DNAJC6: variants seen among roughly 807,000 people sequenced by gnomAD.
The protein encoded by DNAJC6 is auxilin.
In DNAJC6, 34 loss-of-function variants were observed where a neutral mutation model predicts 110.0. The ratio of observed to expected loss-of-function variants is 0.31; its 90% confidence interval spans 0.24 to 0.41. The LOEUF (loss-of-function observed/expected upper bound fraction) is 0.41, where lower values mean the gene tolerates loss of function less well. Among genes scored for constraint, DNAJC6 ranks in the 10% least tolerant of loss-of-function variants. The pLI is 1.00. For missense variants in DNAJC6, 1,031 were observed against 1,207.8 expected (o/e 0.85, Z 2.17); for synonymous variants, 406 against 437.2 (o/e 0.93, Z 0.89).
At chr1:65,312,989 G>A (rs927334753) in intron 1 of DNAJC6, among the ~76,000 whole-genome samples, 2 of 151,878 alleles carry the variant, frequency 1.3e-5, no homozygotes, top group Non-Finnish European at 1.5e-5. Context: ...TAGTAGAGAC[G>A]GGCTCTTGCC....
intron 1 of DNAJC6, among the ~76,000 whole-genome samples, chr1:65,363,835 G>T (rs772440607): frequency 6.6e-6 from 1 of 152,214 alleles, no homozygotes; most frequent in Non-Finnish European, 1.5e-5. Flanking sequence ...GCCAAAAAGC[G>T]CAATTTTAAG....
At chr1:65,265,693 C>T (rs1480107317) in intron 1 of DNAJC6, among the ~76,000 whole-genome samples, 1 of 152,210 alleles carries the variant, frequency 6.6e-6, no homozygotes, top group Admixed American at 6.5e-5. Context: ...AATATTCTGC[C>T]GCAGTTGGGG....
chr1:65,351,573 C>T (rs950990035), intron 1 of DNAJC6, among the ~76,000 whole-genome samples: 6 of 152,116 alleles, frequency 3.9e-5, no homozygotes, highest in Non-Finnish European at 7.4e-5. Context: ...TGAAATGTTT[C>T]TTGGTGTGAG....
At chr1:65,306,109 G>A (rs1557510978), upstream of DNAJC6, among the ~76,000 whole-genome samples, 3 of 144,120 alleles carry the variant, frequency 2.1e-5, no homozygotes, top group South Asian at 2.2e-4. Flanking sequence ...ACAGAGTCTC[G>A]CTTTGTTGGC....
chr1:65,355,296 T>G (rs1447231756), intron 1 of DNAJC6, among the ~76,000 whole-genome samples: 1 of 150,732 alleles, frequency 6.6e-6, no homozygotes, highest in Non-Finnish European at 1.5e-5. Flanking sequence ...AGAAAAAGAT[T>G]ATCCTAAGGG....
At chr1:65,407,774 T>A (rs914706194) in intron 16 of DNAJC6, among the ~76,000 whole-genome samples, 3 of 152,324 alleles carry the variant, frequency 2.0e-5, no homozygotes, top group Middle Eastern at 3.4e-3. Flanking sequence ...ATCCCTAGTT[T>A]CAGAGCACTT....
At chr1:65,388,459 T>C (rs1404236208) in intron 9 of DNAJC6, 44 bp downstream of exon 9, 2 of 1,569,856 alleles carry the variant, frequency 1.3e-6, no homozygotes, top group Admixed American at 1.7e-5. Flanking sequence ...TCAAATTAGC[T>C]GTGAAGTGCT....
chr1:65,384,501 A>AG (rs1319218622), intron 6 of DNAJC6, among the ~76,000 whole-genome samples, 175 bp downstream of exon 6: 1 of 152,236 alleles, frequency 6.6e-6, no homozygotes, highest in Admixed American at 6.5e-5. Flanking sequence ...AAAGAAAAAG[A>AG]GTTTCAATGG....
chr1:65,363,355 G>A (rs1159359308), intron 1 of DNAJC6, among the ~76,000 whole-genome samples: 3 of 152,124 alleles, frequency 2.0e-5, no homozygotes, highest in Non-Finnish European at 4.4e-5. Flanking sequence ...CATGGACAGA[G>A]CAGCCACAGT....
intron 13 of DNAJC6, among the ~76,000 whole-genome samples, chr1:65,398,495 A>G (rs1645999995): frequency 6.6e-6 from 1 of 152,232 alleles, no homozygotes; most frequent in African/African-American, 2.4e-5. Context: ...AGGGACTGAC[A>G]ATTGAATGGA....
At chr1:65,336,465 T>C (rs985512264) in intron 1 of DNAJC6, among the ~76,000 whole-genome samples, 28 of 152,126 alleles carry the variant, frequency 1.8e-4, no homozygotes, top group African/African-American at 6.3e-4. Context: ...TATATATAGT[T>C]TTCTAAATTC....
intron 13 of DNAJC6, 128 bp from the exon 14 acceptor site, chr1:65,398,685 G>A: frequency 1.2e-6 from 1 of 825,886 alleles, no homozygotes; most frequent in Non-Finnish European, 2.0e-6. Context: ...AGAAGGAGGA[G>A]TGGATATCTT....
intron 1 of DNAJC6, among the ~76,000 whole-genome samples, chr1:65,360,962 G>A (rs1044897881): frequency 2.0e-5 from 3 of 152,186 alleles, no homozygotes; most frequent in Non-Finnish European, 4.4e-5. Flanking sequence ...AGGCAGTTGT[G>A]TATAGGCAGG....
At chr1:65,371,528 C>A (rs1645705822) in intron 4 of DNAJC6, among the ~76,000 whole-genome samples, 1 of 152,116 alleles carries the variant, frequency 6.6e-6, no homozygotes, top group Admixed American at 6.6e-5. Context: ...GAATTATCCC[C>A]ATCCTCCAAA....
At position 65,392,791 on chromosome 1, in the gene DNAJC6, C is replaced by T. The variant is rs1645941452; in HGVS notation, c.1829C>T (p.Pro610Leu). The change falls in exon 12 of 19, where the codon CCT (proline) becomes CTT (leucine). Residue 610 changes from proline to leucine, a missense_variant. Pro to Leu is a moderately conservative substitution (Grantham distance 98). Coordinates refer to ENST00000371069, the MANE Select transcript of DNAJC6 (RefSeq NM_001256864.2). ...GAAGATGTGTTTCATCCTAGTGGAC[C>T]TGCGTCTACCCAGTCAACACCACGC... The part of the protein sequence containing the change: ...GVEDVFHPSG[P>L]ASTQSTPRRS... The T allele has an allele frequency of 1.9e-6, 3 of 1,604,598 alleles. No individual in the cohort carries two copies. The highest frequency in any genetic ancestry group is 2.6e-6 in the Non-Finnish European group (3 of 1,175,654).
Position 65,398,817 on chromosome 1 carries a change from T to C in DNAJC6, c.2043T>C (p.Ser681=), listed in dbSNP as rs1409972226. ...TRSPSPTVHA[S]STPAVNIQPD... ...TTTTCTTTTCCCCATTTGCAGCTTC[T>C]AGTACGCCTGCTGTGAACATTCAGC... The change falls in exon 14 of 19, where the codon TCT becomes TCC. Residue 681 remains serine, a synonymous_variant. Coordinates refer to ENST00000371069, the MANE Select transcript of DNAJC6 (RefSeq NM_001256864.2). The C allele has an allele frequency of 6.2e-7, 1 of 1,614,122 alleles. No individual in the cohort carries two copies. The highest frequency in any genetic ancestry group is 8.5e-7 in the Non-Finnish European group (1 of 1,179,982).
At chr1:65,412,460 T>G (rs1431661720) in intron 18 of DNAJC6, among the ~76,000 whole-genome samples, 1 of 152,134 alleles carries the variant, frequency 6.6e-6, no homozygotes, top group Non-Finnish European at 1.5e-5. Context: ...AAAGAAGAAT[T>G]AATGAGAAGC....
intron 1 of DNAJC6, among the ~76,000 whole-genome samples, chr1:65,289,302 T>A (rs1378354835): frequency 6.6e-6 from 1 of 152,150 alleles, no homozygotes; most frequent in African/African-American, 2.4e-5. Context: ...TTCAAGCGAT[T>A]CTCCTGCCTC....
chr1:65,326,798 A>G (rs1271961445), intron 1 of DNAJC6, among the ~76,000 whole-genome samples: 2 of 152,210 alleles, frequency 1.3e-5, no homozygotes, highest in African/African-American at 2.4e-5. Flanking sequence ...GCTTAAAGCA[A>G]CCAGTTCTCA....
Sources: allele counts gnomAD v4.1 joint callset (sites outside exome capture counted in the v4.1 genomes callset), GRCh38; gene constraint gnomAD v4.1.1; transcripts MANE v1.5; gene names NCBI Gene and HGNC (gene_info 2026-07-23, HGNC 2026-07-21).